Variants in PEX10 observed in about 807,000 individuals in gnomAD.
The protein encoded by PEX10 is peroxisomal biogenesis factor 10.
In PEX10, 32 loss-of-function variants were observed where a neutral mutation model predicts 38.0. The observed-to-expected ratio is 0.84, with a 90% confidence interval of 0.63 to 1.13. The LOEUF is 1.13. Among genes scored for constraint, PEX10 ranks in the 50% most tolerant of loss-of-function variants. The probability of loss-of-function intolerance (pLI) is 0.00; values close to 1 mark genes in which losing one functional copy is unlikely to be tolerated. For missense variants in PEX10, 483 were observed against 457.7 expected, an observed-to-expected ratio of 1.06 and a Z score of -0.51; for synonymous variants, 206 against 207.3, an observed-to-expected ratio of 0.99 and a Z score of 0.05.
rs1357720486 is a variant in PEX10 at position 2,410,229 on chromosome 1, G to A, written c.193+142C>T. ...CAGATGCCTCGCCTCCCTCGGAGCA[G>A]TACCTCCTGCACTTCCCTGAAGCAA... On this transcript the variant is annotated intron_variant, in intron 2 of 5. Transcript: ENST00000447513. This position sits in a 1 kb window ranked among gnomAD's most constrained non-coding sequence, Gnocchi z 5.1. 2 of 737,858 alleles carry A rather than the reference G, an allele frequency of 2.7e-6. 1 individual carries two copies. The allele number at this position is 737,858 out of a possible 1,614,324, so 45.7% of individuals were successfully genotyped here. A position where few individuals can be genotyped will look rare whatever the true frequency, so the allele number is the denominator to read the frequency against.
chr1:2,406,445 C>T (rs954034107), intron 5 of PEX10, 39 bp downstream of exon 5: 22 of 1,605,942 alleles, frequency 1.4e-5, no homozygotes, highest in Admixed American at 3.3e-5. Flanking sequence ...CCGGCACAGC[C>T]GCTGACCACC....
chr1:2,407,224 G>A (rs758986479), intron 3 of PEX10, among the ~76,000 whole-genome samples: 2 of 152,220 alleles, frequency 1.3e-5, no homozygotes, highest in Non-Finnish European at 2.9e-5. Flanking sequence ...GAGGCGGGGA[G>A]CGGAAATGTG....
intron 5 of PEX10, 67 bp from the exon 6 acceptor site, chr1:2,405,901 T>G: frequency 1.6e-6 from 2 of 1,242,062 alleles, no homozygotes; most frequent in South Asian, 2.6e-5. Flanking sequence ...CCATCGGCAT[T>G]TCTTTTCCTG....
chr1:2,408,556 C>T lies in PEX10; in HGVS notation c.496G>A (p.Val166Ile), dbSNP rs368864383. 3.1e-5 allele frequency: 50 copies of T among 1,612,304 alleles called. No homozygotes were observed. Among genetic ancestry groups the T allele is most frequent in the Non-Finnish European group, 3.8e-5 (45 of 1,179,974 alleles). Reference sequence around the variant, plus strand: ...AGGCAGGCGAGGCCCTGTCTGAGGACGAAGACCGCCCGCAGCAGCGCCCTC... The same window carrying T: ...AGGCAGGCGAGGCCCTGTCTGAGGATGAAGACCGCCCGCAGCAGCGCCCTC... Reference protein sequence around the residue: ...QRRALLRAVFVLRQGLACLQR... With the variant: ...QRRALLRAVFILRQGLACLQR... Residue 166 changes from valine (V) to isoleucine (I), a missense_variant, in exon 3 of 6, where the codon GTC (valine) becomes ATC (isoleucine). Physicochemically the swap from Val to Ile is conservative, Grantham distance 29. Transcript: ENST00000447513.
intron 1 of PEX10, among the ~76,000 whole-genome samples, chr1:2,411,700 G>A (rs1643229023): frequency 6.6e-6 from 1 of 152,028 alleles, no homozygotes; most frequent in African/African-American, 2.4e-5. Flanking sequence ...ACCACGTCCG[G>A]CTAATTTTCA....
intron 5 of PEX10, 99 bp downstream of exon 5, chr1:2,406,385 G>C: frequency 1.3e-6 from 2 of 1,502,592 alleles, no homozygotes; most frequent in Non-Finnish European, 1.8e-6. Context: ...CAAAACTGGA[G>C]GGTGCTCAGA....
chr1:2,405,148 G>A lies in PEX10; in HGVS notation c.*618C>T, dbSNP rs1483110160. The A allele has an allele frequency of 5.7e-6, 1 of 174,892 alleles. No homozygotes were observed. 10.8% of individuals were successfully genotyped at this position (174,892 alleles called of 1,614,324 possible). On this transcript the variant is annotated 3_prime_UTR_variant, in exon 6 of 6. Transcript: ENST00000447513. Reference sequence around the variant, plus strand: ...GAAGCGACCTTGACGTGTATTGAAGGTGTGTGTGCCAAATGCTTCCGACGG... The same window carrying A: ...GAAGCGACCTTGACGTGTATTGAAGATGTGTGTGCCAAATGCTTCCGACGG...
At chr1:2,407,605 C>CA (rs1469927882) in intron 3 of PEX10, among the ~76,000 whole-genome samples, 6 of 152,234 alleles carry the variant, frequency 3.9e-5, no homozygotes, top group Non-Finnish European at 7.3e-5. Flanking sequence ...CCCTCACCAA[C>CA]ATGGACGGGG....
chr1:2,406,628 G>A lies in PEX10; in HGVS notation c.777-9C>T. On this transcript the variant is annotated splice_polypyrimidine_tract_variant and intron_variant, in intron 4 of 5. Coordinates refer to ENST00000447513, the MANE Select transcript of PEX10 (RefSeq NM_002617.4). ...TCTCCTCCAAGGAGGCCCTGGGGAAGGTGGGGCAGAGCGTCAAGGTGGGTG... is the reference window on the plus strand; with the variant it reads ...TCTCCTCCAAGGAGGCCCTGGGGAAAGTGGGGCAGAGCGTCAAGGTGGGTG... 1 of 1,613,154 alleles carries A rather than the reference G, an allele frequency of 6.2e-7. No individual in the cohort carries two copies. Among genetic ancestry groups the A allele is most frequent in the Non-Finnish European group, 8.5e-7 (1 of 1,179,750 alleles).
intron 1 of PEX10, 111 bp downstream of exon 1, chr1:2,412,280 T>C: frequency 3.2e-6 from 4 of 1,245,760 alleles, no homozygotes; most frequent in Non-Finnish European, 4.0e-6. Flanking sequence ...GGTCCCAGGT[T>C]GTGGGACGGG....
intron 3 of PEX10, among the ~76,000 whole-genome samples, chr1:2,407,405 C>T (rs774522472): frequency 6.6e-6 from 1 of 152,230 alleles, no homozygotes; most frequent in Non-Finnish European, 1.5e-5. Context: ...TGTCACTTTC[C>T]ACTGGCTGGG....
In PEX10 at chr1:2,412,413, G is replaced by A. The variant is rs1482910211; in HGVS notation, c.90C>T (p.Gly30=). The change falls in exon 1 of 6, where the codon GGC becomes GGT. Residue 30 remains glycine (G), a synonymous_variant. Transcript: ENST00000447513. ...CACCCGCCAGGCTGTGCAGGGCGCC[G>A]CCCGCCGCGCTCCGCAGCCCACCGC... ...YYRGGLRSAA[G]GALHSLAGAR... The A allele has an allele frequency of 7.1e-7, 1 of 1,406,636 alleles. No individual in the cohort carries two copies. The highest frequency in any genetic ancestry group is 3.1e-5 in the Admixed American group (1 of 32,502). 87.1% of individuals were successfully genotyped at this position (1,406,636 alleles called of 1,614,324 possible). A position where few individuals can be genotyped will look rare whatever the true frequency, so the allele number is the denominator to read the frequency against.
At position 2,406,761 on chromosome 1, in the gene PEX10, G is replaced by A; in HGVS notation, c.735C>T (p.Ala245=). The change falls in exon 4 of 6, where the codon GCC becomes GCT. Residue 245 remains alanine (A), a synonymous_variant. Transcript: ENST00000447513. ...CGCGGTGCAGCCTCCACTCCTTCCT[G>A]GCTCGCTGCCGCTGCCTGAAACCGT... ...QLYGFRQRQR[A]RKEWRLHRGL... is the part of the protein sequence containing the mutation. The A allele has an allele frequency of 6.2e-7, 1 of 1,609,652 alleles. No individual in the cohort carries two copies. The highest frequency in any genetic ancestry group is 1.1e-5 in the South Asian group (1 of 90,488).
intron 1 of PEX10, among the ~76,000 whole-genome samples, chr1:2,411,992 G>C (rs998705131): frequency 6.6e-6 from 1 of 152,248 alleles, no homozygotes; most frequent in African/African-American, 2.4e-5. Context: ...TTCGCGCCGC[G>C]GGCGCTCTGA....
In PEX10 at chr1:2,405,365, T is replaced by G. The variant is rs866387988; in HGVS notation, c.*401A>C. On this transcript the variant is annotated 3_prime_UTR_variant, in exon 6 of 6. Coordinates refer to ENST00000447513, the MANE Select transcript of PEX10 (RefSeq NM_002617.4). ...CCCCACCCAGCACGCACTCATTCAG[T>G]CCATTGCCTTAACACAAGCCTGATG... The G allele has an allele frequency of 1.3e-4, 46 of 364,412 alleles. No homozygotes were observed. The highest frequency in any genetic ancestry group is 7.8e-4 in the African/African-American group (37 of 47,264). 22.6% of individuals were successfully genotyped at this position (364,412 alleles called of 1,614,324 possible).
At chr1:2,412,873 T>C (rs916480863), upstream of PEX10, among the ~76,000 whole-genome samples, 3 of 152,098 alleles carry the variant, frequency 2.0e-5, no homozygotes, top group East Asian at 3.9e-4. Flanking sequence ...CAGGGGCCCC[T>C]GCTCTGCTCC....
intron 5 of PEX10, among the ~76,000 whole-genome samples, 196 bp downstream of exon 5, chr1:2,406,288 C>T (rs755438382): frequency 6.6e-6 from 1 of 152,202 alleles, no homozygotes; most frequent in Non-Finnish European, 1.5e-5. Flanking sequence ...AGCCTCAATA[C>T]ACGTGAATTT....
At chr1:2,407,043 G>T in intron 3 of PEX10, 148 bp from the exon 4 acceptor site, 2 of 1,147,908 alleles carry the variant, frequency 1.7e-6, no homozygotes, top group Non-Finnish European at 2.6e-6. Context: ...AAACGATCAA[G>T]CCAGGGGGCA....
In PEX10 at chr1:2,408,807, G is replaced by C. The variant is rs762111818; in HGVS notation, c.245C>G (p.Ser82Trp). Residue 82 changes from serine (S) to tryptophan (W), a missense_variant, in exon 3 of 6, where the codon TCG becomes TGG. By Grantham distance (177) the Ser-to-Trp change is radical. Coordinates refer to ENST00000447513, the MANE Select transcript of PEX10 (RefSeq NM_002617.4). ...CAGCGAGGAGGGCACATGTATCCGC[G>C]ATGGGTCCACCTGGATGATGCTGAC... ...EYVSIIQVDP[S>W]RIHVPSSLRR... 6.2e-7 allele frequency: 1 copy of C among 1,614,050 alleles called. No homozygotes were observed. Among genetic ancestry groups the C allele is most frequent in the Non-Finnish European group, 8.5e-7 (1 of 1,179,932 alleles).
Sources: gnomAD v4.1 joint callset for allele counts (sites outside exome capture counted in the v4.1 genomes callset) on GRCh38, gnomAD v4.1.1 for gene constraint, Gnocchi (gnomAD v3.1) non-coding constraint, MANE v1.5 for transcripts, NCBI Gene and HGNC (gene_info 2026-07-23, HGNC 2026-07-21) for gene names.